The following PPME1 variants were observed in gnomAD, a reference collection of about 807,000 sequenced individuals.
PPME1 encodes protein phosphatase methylesterase 1.
PPME1 carries 17 observed loss-of-function variants against 56.9 expected under a neutral mutation model. The observed-to-expected ratio is 0.30, with a 90% CI of 0.20 to 0.45. The LOEUF is 0.45. Among genes scored for constraint, PPME1 ranks in the 20% least tolerant of loss-of-function variants. The pLI is 1.00. For missense variants in PPME1, 357 were observed against 483.2 expected (o/e 0.74, Z 2.45); for synonymous variants, 122 against 156.2 (o/e 0.78, Z 1.63).
At chr11:74,212,683 C>T (rs1410422017) in intron 3 of PPME1, among the ~76,000 whole-genome samples, 1 of 151,998 alleles carries the variant, frequency 6.6e-6, no homozygotes, top group Non-Finnish European at 1.5e-5. Context: ...GGATAAGGCA[C>T]CAGGCAGAGT....
intron 3 of PPME1, among the ~76,000 whole-genome samples, chr11:74,209,467 T>C (rs1193550780): frequency 6.6e-6 from 1 of 152,186 alleles, no homozygotes; most frequent in Non-Finnish European, 1.5e-5. Context: ...ATTTTAGGCA[T>C]GTCAAAATTA....
At chr11:74,222,278 G>A (rs748409471) in intron 3 of PPME1, 34 bp from the exon 4 acceptor site, 29 of 1,516,702 alleles carry the variant, frequency 1.9e-5, no homozygotes, top group Non-Finnish European at 2.6e-5. Flanking sequence ...TGTTATCCTA[G>A]ATGTGTCTTA....
chr11:74,251,755 G>A (rs753029665), intron 13 of PPME1, 40 bp downstream of exon 13: 2 of 1,608,910 alleles, frequency 1.2e-6, no homozygotes, highest in East Asian at 2.2e-5. Context: ...AGCAGTGCTG[G>A]CCGAATCTGA....
intron 5 of PPME1, 59 bp downstream of exon 5, chr11:74,225,315 C>T: frequency 8.4e-7 from 1 of 1,188,018 alleles, no homozygotes; most frequent in East Asian, 2.6e-5. Context: ...ATAAATAGTA[C>T]TATAACTTTA....
chr11:74,181,696 G>C (rs960286651), intron 1 of PPME1, among the ~76,000 whole-genome samples: 1 of 152,160 alleles, frequency 6.6e-6, no homozygotes, highest in South Asian at 2.1e-4. Context: ...GGCTTTTTCT[G>C]ATCAGTCCAG....
chr11:74,198,475 T>G (rs1858051636), intron 1 of PPME1, among the ~76,000 whole-genome samples: 1 of 152,196 alleles, frequency 6.6e-6, no homozygotes, highest in South Asian at 2.1e-4. Flanking sequence ...TTTGTTTGAT[T>G]TTTGGAGACA....
At chr11:74,252,261 T>G (rs537670982) in intron 13 of PPME1, among the ~76,000 whole-genome samples, 359 of 151,094 alleles carry the variant, frequency 2.4e-3, no homozygotes, top group Non-Finnish European at 4.2e-3. Flanking sequence ...GTTTTTTTTT[T>G]TTTTTAGTAA....
rs375419766 is a variant in PPME1, at chr11:74,180,851, G to A, written c.101+9329G>A. Among the ~76,000 whole-genome samples, 12 of 152,176 alleles carry A rather than the reference G, an allele frequency of 7.9e-5. No homozygotes were observed. In the East Asian group the frequency reaches 1.5e-3, roughly 20 times the overall value. ...AATTTATCACTTATTCTCTAAGAGC[G>A]AAGACTATTTTCCAAGCACCTTCAC... On this transcript the variant is annotated intron_variant, in intron 1 of 13. Coordinates refer to ENST00000328257, the MANE Select transcript of PPME1 (RefSeq NM_016147.3).
intron 11 of PPME1, chr11:74,250,712 T>A: frequency 2.1e-6 from 1 of 481,238 alleles, no homozygotes. Flanking sequence ...CTTCTATGTG[T>A]CTCTGGCCCA....
At chr11:74,219,258 G>A (rs1429388512) in intron 3 of PPME1, among the ~76,000 whole-genome samples, 2 of 151,300 alleles carry the variant, frequency 1.3e-5, no homozygotes. Context: ...GGATGTGGAG[G>A]AAAGGGAACC....
At chr11:74,182,048 AT>A (rs1378615505) in intron 1 of PPME1, among the ~76,000 whole-genome samples, 4 of 152,272 alleles carry the variant, frequency 2.6e-5, no homozygotes, top group African/African-American at 7.2e-5. Flanking sequence ...GGTGGGCTGG[AT>A]TTCCCGTAGG....
chr11:74,252,538 T>C, intron 13 of PPME1: 1 of 455,214 alleles, frequency 2.2e-6, no homozygotes, highest in African/African-American at 2.0e-5. Flanking sequence ...TCTGCAGGGG[T>C]GATCCTGGAA....
At chr11:74,199,497 G>A (rs138049654) in intron 1 of PPME1, among the ~76,000 whole-genome samples, 8 of 152,058 alleles carry the variant, frequency 5.3e-5, no homozygotes, top group East Asian at 1.9e-4. Flanking sequence ...AGGGTCTCAC[G>A]GTTTTGTCCA....
intron 5 of PPME1, among the ~76,000 whole-genome samples, chr11:74,226,953 C>T (rs568607074): frequency 8.5e-5 from 13 of 152,136 alleles, no homozygotes; most frequent in Non-Finnish European, 1.3e-4. Context: ...AGATCCAGAC[C>T]TTGTTGGAGA....
chr11:74,239,128 C>T lies in PPME1; in HGVS notation c.711-5C>T, dbSNP rs570688936. 2 of 1,606,796 alleles carry T rather than the reference C, an allele frequency of 1.2e-6. No individual in the cohort carries two copies. Among genetic ancestry groups the T allele is most frequent in the Admixed American group, 3.4e-5 (2 of 58,480 alleles). On this transcript the variant is annotated splice_polypyrimidine_tract_variant and splice_region_variant and intron_variant, in intron 8 of 13. Coordinates refer to ENST00000328257, the MANE Select transcript of PPME1 (RefSeq NM_016147.3). ...GTGTAATAGCACTTTTTTAAAAAAA[C>T]CTAGGTGTGAAGGAATTACAAGTCC...
At chr11:74,210,748 G>A (rs1031341527) in intron 3 of PPME1, among the ~76,000 whole-genome samples, 1 of 152,068 alleles carries the variant, frequency 6.6e-6, no homozygotes, top group Non-Finnish European at 1.5e-5. Flanking sequence ...TGCTGGTGCC[G>A]TACTTCTTAT....
rs1857444478 is a variant in PPME1, at chr11:74,178,177, C to G, written c.101+6655C>G. On this transcript the variant is annotated intron_variant, in intron 1 of 13. Coordinates refer to ENST00000328257, the MANE Select transcript of PPME1 (RefSeq NM_016147.3). ...GGCTTTTCCTTCTCTTGCTTGTCAC[C>G]TTATGGTTGCAGGATGGCTGCTGCC... 1.3e-5 allele frequency among the ~76,000 whole-genome samples: 2 copies of G among 152,122 alleles called. 1 individual carries two copies. Among genetic ancestry groups the G allele is most frequent in the South Asian group, 4.1e-4 (2 of 4,822 alleles).
intron 7 of PPME1, among the ~76,000 whole-genome samples, chr11:74,232,742 A>AT (rs1049049946): frequency 6.7e-6 from 1 of 148,180 alleles, no homozygotes; most frequent in Non-Finnish European, 1.5e-5. Flanking sequence ...CAGTGGCATG[A>AT]TTACAGCTCT....
At chr11:74,204,120 G>T (rs746092369) in intron 2 of PPME1, among the ~76,000 whole-genome samples, 1 of 151,320 alleles carries the variant, frequency 6.6e-6, no homozygotes, top group African/African-American at 2.4e-5. Flanking sequence ...GAATCCAGGG[G>T]TTATGTCCTC....
Sources: gnomAD v4.1 joint callset for allele counts (sites outside exome capture counted in the v4.1 genomes callset) on GRCh38, gnomAD v4.1.1 for gene constraint, MANE v1.5 for transcripts, NCBI Gene and HGNC (gene_info 2026-07-23, HGNC 2026-07-21) for gene names.